The following ATIC variants were observed in gnomAD, a reference collection of about 807,000 sequenced individuals.
ATIC encodes the protein 5-aminoimidazole-4-carboxamide ribonucleotide formyltransferase/IMP cyclohydrolase.
ATIC carries 64 observed loss-of-function variants against 72.5 expected under a neutral mutation model. The observed-to-expected ratio is 0.88, with a 90% CI of 0.72 to 1.09. The LOEUF is 1.09. ATIC is among the 50% of genes least tolerant of loss of function. The probability of loss-of-function intolerance (pLI) is 0.00; values close to 1 mark genes in which losing one functional copy is unlikely to be tolerated. For missense variants in ATIC, 787 were observed against 732.4 expected (o/e 1.07, Z -0.86); for synonymous variants, 281 against 267.1 (o/e 1.05, Z -0.51).
In ATIC at chr2:215,326,175, A is replaced by G. The variant is rs1559270625; in HGVS notation, c.531+37A>G. 7 of 1,612,830 alleles carry G rather than the reference A, an allele frequency of 4.3e-6. No individual in the cohort carries two copies. In the East Asian group the frequency reaches 1.3e-4, roughly 31 times the overall value. On this transcript the variant is annotated intron_variant, in intron 6 of 15. Coordinates refer to ENST00000236959, the MANE Select transcript of ATIC (RefSeq NM_004044.7). Reference sequence around the variant, plus strand: ...TTTCATGATATTGTAAGTTACATCCATGGAGTGCAGTGTTTGCCAGACCAA... The same window carrying G: ...TTTCATGATATTGTAAGTTACATCCGTGGAGTGCAGTGTTTGCCAGACCAA...
At chr2:215,365,663 T>A in the ATIC span, 3 of 1,612,114 alleles carry the variant, frequency 1.9e-6, no homozygotes, top group South Asian at 2.2e-5. Flanking sequence ...GACCAAAAAG[T>A]TATTTGTATA....
chr2:215,337,642 C>T (rs2052971233), intron 11 of ATIC, among the ~76,000 whole-genome samples: 1 of 152,240 alleles, frequency 6.6e-6, no homozygotes, highest in Admixed American at 6.5e-5. Flanking sequence ...GTTGGGATTA[C>T]AGGCGTGAGC....
the ATIC span, chr2:215,360,554 A>G: frequency 6.6e-6 from 1 of 152,244 alleles, no homozygotes; most frequent in African/African-American, 2.4e-5. Context: ...AAGAATTACA[A>G]TGGTTAGAAA....
intron 6 of ATIC, 65 bp downstream of exon 6, chr2:215,326,203 A>G (rs1033645408): frequency 1.8e-5 from 28 of 1,597,704 alleles, no homozygotes; most frequent in African/African-American, 2.7e-5. Flanking sequence ...CAGACCAAGC[A>G]GTATTCAGTT....
chr2:215,343,828 T>C (rs770713009), intron 12 of ATIC, among the ~76,000 whole-genome samples: 1 of 152,226 alleles, frequency 6.6e-6, no homozygotes, highest in Non-Finnish European at 1.5e-5. Flanking sequence ...GTAGCAAATA[T>C]CCTCTGTCCA....
At chr2:215,318,809 T>C (rs1228099249) in intron 3 of ATIC, among the ~76,000 whole-genome samples, 2 of 152,148 alleles carry the variant, frequency 1.3e-5, no homozygotes, top group Non-Finnish European at 2.9e-5. Context: ...TAAAATTCCT[T>C]TTACCTTTTT....
chr2:215,362,779 G>C, the ATIC span: 1 of 152,738 alleles, frequency 6.5e-6, no homozygotes, highest in East Asian at 1.9e-4. Flanking sequence ...TTTCACTACT[G>C]TTCTTAAGCT....
the ATIC span, among the ~76,000 whole-genome samples, chr2:215,356,265 G>A: frequency 6.6e-6 from 1 of 152,122 alleles, no homozygotes; most frequent in Admixed American, 6.5e-5. Flanking sequence ...AGGAACTAGT[G>A]GAAGATAACC....
At chr2:215,356,938 G>C in the ATIC span, among the ~76,000 whole-genome samples, 1 of 152,094 alleles carries the variant, frequency 6.6e-6, no homozygotes, top group East Asian at 1.9e-4. Flanking sequence ...CTGTTCTCTC[G>C]AGTATATATC....
chr2:215,312,646 C>T (rs1575110992), intron 2 of ATIC, 22 bp downstream of exon 2: 1 of 1,613,958 alleles, frequency 6.2e-7, no homozygotes, highest in Non-Finnish European at 8.5e-7. Context: ...CTAGTTCCAT[C>T]AGAAAGGAGT....
chr2:215,332,477 G>C lies in ATIC; in HGVS notation c.784G>C (p.Ala262Pro). The change falls in exon 8 of 16, where the codon GCT becomes CCT. Residue 262 changes from alanine to proline, a missense_variant. Ala to Pro is a conservative substitution (Grantham distance 27). Transcript: ENST00000236959. ...CAAGGAGGCTTTAGGTATTCCAGCC[G>C]CTGCCTCTTTCAAACATGTCAGCCC... ...ELKEALGIPA[A>P]ASFKHVSPAG... The C allele has an allele frequency of 6.2e-7, 1 of 1,614,104 alleles. No homozygotes were observed.
At chr2:215,339,043 G>A (rs1005793090) in intron 12 of ATIC, 136 bp downstream of exon 12, 2 of 1,214,360 alleles carry the variant, frequency 1.6e-6, no homozygotes, top group Middle Eastern at 2.4e-4. Flanking sequence ...TTATCTTTGA[G>A]TTGTCACATA....
chr2:215,346,170 A>AT (rs1553574301), intron 13 of ATIC, among the ~76,000 whole-genome samples: 1 of 151,810 alleles, frequency 6.6e-6, no homozygotes, highest in African/African-American at 2.4e-5. Flanking sequence ...TTATTTATTT[A>AT]TTTTTTATAG....
intron 11 of ATIC, among the ~76,000 whole-genome samples, chr2:215,336,643 A>G (rs1339530865): frequency 6.6e-6 from 1 of 152,142 alleles, no homozygotes; most frequent in East Asian, 1.9e-4. Context: ...CTATTTTCCT[A>G]TTGACACAAG....
chr2:215,362,048 C>A, the ATIC span: 1 of 1,614,016 alleles, frequency 6.2e-7, no homozygotes, highest in South Asian at 1.1e-5. Flanking sequence ...GGGTTCACCC[C>A]CAGGTCTGCG....
intron 2 of ATIC, among the ~76,000 whole-genome samples, chr2:215,312,931 C>A (rs1226156472): frequency 6.6e-6 from 1 of 152,110 alleles, no homozygotes; most frequent in Non-Finnish European, 1.5e-5. Context: ...AAACCCGTCT[C>A]TACTAAAAAT....
intron 7 of ATIC, among the ~76,000 whole-genome samples, chr2:215,331,936 T>C (rs1366477249): frequency 6.6e-6 from 1 of 152,206 alleles, no homozygotes; most frequent in Admixed American, 6.5e-5. Context: ...TGCTTTAGCT[T>C]GTAATATAAT....
the ATIC span, chr2:215,365,377 A>T: frequency 9.9e-7 from 1 of 1,015,172 alleles, no homozygotes; most frequent in Non-Finnish European, 1.5e-6. Flanking sequence ...TCAAAAGATT[A>T]AGAAACCCAC....
intron 13 of ATIC, 109 bp from the exon 14 acceptor site, chr2:215,346,649 TG>T (rs973946354): frequency 7.9e-7 from 1 of 1,273,012 alleles, no homozygotes; most frequent in African/African-American, 1.5e-5. Flanking sequence ...TGGCCTGATA[TG>T]TTCTTCCACA....
Sources: gnomAD v4.1 joint callset for allele counts (sites outside exome capture counted in the v4.1 genomes callset) on GRCh38, gnomAD v4.1.1 for gene constraint, MANE v1.5 for transcripts, NCBI Gene and HGNC (gene_info 2026-07-23, HGNC 2026-07-21) for gene names.